SGCD: variants seen among roughly 807,000 people sequenced by gnomAD.
The protein encoded by SGCD is delta-sarcoglycan.
SGCD carries 18 observed loss-of-function variants against 36.6 expected under a neutral mutation model. The observed-to-expected ratio is 0.49, with a 90% CI of 0.34 to 0.73. The LOEUF is 0.73. Ranked by LOEUF, SGCD falls within the 30% of genes least tolerant of loss-of-function variation. The pLI is 0.01. For synonymous variants in SGCD, 133 were observed against 130.6 expected, an observed-to-expected ratio of 1.02 and a Z score of -0.12; for missense variants, 387 against 346.7, an observed-to-expected ratio of 1.12 and a Z score of -0.92.
Position 156,746,013 on chromosome 5 carries a change from G to T in SGCD, c.576-11568G>T, listed in dbSNP as rs796462429. ...AGTGAAGAAAGACACAAAACCACAA[G>T]TTTAAAGGGTAAAAAAAAAAAATTA... On this transcript the variant is annotated intron_variant, in intron 7 of 8. Transcript: ENST00000337851. Among the ~76,000 whole-genome samples the T allele has an allele frequency of 1.3e-5, 2 of 148,776 alleles. 1 individual carries two copies. Among genetic ancestry groups the T allele is most frequent in the South Asian group, 4.2e-4 (2 of 4,722 alleles).
At chr5:156,666,693 G>A (rs531566332) in intron 7 of SGCD, among the ~76,000 whole-genome samples, 90 of 149,038 alleles carry the variant, frequency 6.0e-4, no homozygotes, top group African/African-American at 2.1e-3. Context: ...ATCCTGCACC[G>A]CCCTTAATCC....
intron 3 of SGCD, among the ~76,000 whole-genome samples, chr5:156,194,050 G>T (rs1763960995): frequency 6.6e-6 from 1 of 152,284 alleles, no homozygotes; most frequent in East Asian, 1.9e-4. Context: ...AATAAACTCT[G>T]TCATTAGAAG....
At chr5:155,739,642 A>T in the SGCD span, among the ~76,000 whole-genome samples, 2 of 152,194 alleles carry the variant, frequency 1.3e-5, no homozygotes, top group Admixed American at 1.3e-4. Context: ...GTTTGAAAAA[A>T]GTGTAAATAT....
intron 1 of SGCD, among the ~76,000 whole-genome samples, chr5:156,095,311 AG>A (rs1761348751): frequency 1.3e-5 from 2 of 152,208 alleles, no homozygotes; most frequent in African/African-American, 4.8e-5. Context: ...GACATCTGTT[AG>A]TACCTCAGTC....
At chr5:155,928,315 A>G (rs1394416514) in intron 1 of SGCD, among the ~76,000 whole-genome samples, 6 of 152,244 alleles carry the variant, frequency 3.9e-5, no homozygotes, top group Non-Finnish European at 8.8e-5. Context: ...ATTATGTATC[A>G]ATCAAATGAA....
At chr5:156,608,463 A>G (rs1235561586) in intron 6 of SGCD, among the ~76,000 whole-genome samples, 3 of 152,218 alleles carry the variant, frequency 2.0e-5, no homozygotes, top group African/African-American at 7.2e-5. Context: ...TTTACTTCCA[A>G]CTATGTGGTC....
chr5:156,222,371 A>G (rs940594552), intron 3 of SGCD, among the ~76,000 whole-genome samples: 2 of 152,156 alleles, frequency 1.3e-5, no homozygotes, highest in Admixed American at 6.6e-5. Context: ...GATTCCATTT[A>G]TAGATTCTAC....
At chr5:156,131,024 C>A (rs1056212545) in intron 3 of SGCD, among the ~76,000 whole-genome samples, 2 of 152,172 alleles carry the variant, frequency 1.3e-5, no homozygotes, top group Non-Finnish European at 2.9e-5. Context: ...CCACCACGCC[C>A]GGCCAGCATT....
chr5:155,977,572 A>G (rs2127561365), intron 1 of SGCD, among the ~76,000 whole-genome samples: 1 of 152,320 alleles, frequency 6.6e-6, no homozygotes, highest in Non-Finnish European at 1.5e-5. Context: ...CAAGAAGAGG[A>G]CTAGACTATT....
intron 4 of SGCD, among the ~76,000 whole-genome samples, chr5:156,577,864 A>G (rs1032104384): frequency 6.6e-6 from 1 of 152,236 alleles, no homozygotes; most frequent in African/African-American, 2.4e-5. Flanking sequence ...ATCTGCAAAC[A>G]GGGACAAGTT....
the SGCD span, among the ~76,000 whole-genome samples, chr5:155,861,021 T>G: frequency 6.6e-6 from 1 of 152,204 alleles, no homozygotes; most frequent in Admixed American, 6.5e-5. Context: ...TTGGAAGGTA[T>G]TGAATAGCGT....
At chr5:156,518,011 T>G (rs1757253091) in intron 4 of SGCD, among the ~76,000 whole-genome samples, 2 of 152,182 alleles carry the variant, frequency 1.3e-5, no homozygotes, top group African/African-American at 4.8e-5. Flanking sequence ...TAAATGTAAA[T>G]GGGCTAATTG....
chr5:156,374,940 A>G (rs1770577830), intron 3 of SGCD, among the ~76,000 whole-genome samples: 1 of 151,840 alleles, frequency 6.6e-6, no homozygotes, highest in Non-Finnish European at 1.5e-5. Flanking sequence ...AAACACAAGC[A>G]AAATGAATAT....
chr5:156,734,701 T>TAC (rs1297515019), intron 7 of SGCD, among the ~76,000 whole-genome samples: 1 of 152,194 alleles, frequency 6.6e-6, no homozygotes, highest in African/African-American at 2.4e-5. Flanking sequence ...GTCTGTTTTT[T>TAC]ACCTCTATCA....
rs1030202936 is a variant in SGCD at position 156,368,918 on chromosome 5, T to G, written c.192+24241T>G. Among the ~76,000 whole-genome samples, 10 of 152,202 alleles carry G rather than the reference T, an allele frequency of 6.6e-5. 1 individual carries two copies. The highest frequency in any genetic ancestry group is 5.9e-4 in the Admixed American group (9 of 15,276). ...CAATGTAAAAATAATAGAAAAAAAG[T>G]GCACAATAAATGTAATGCACTTGAA... is the stretch of plus-strand genomic sequence containing the variant. On this transcript the variant is annotated intron_variant, in intron 3 of 8. Coordinates refer to ENST00000337851, the MANE Select transcript of SGCD (RefSeq NM_000337.6).
In SGCD at chr5:155,918,079, C is replaced by G. The variant is rs543229091; in HGVS notation, c.-282+47655C>G. 8.5e-5 allele frequency among the ~76,000 whole-genome samples: 13 copies of G among 152,202 alleles called. No homozygotes were observed. In the South Asian group the frequency reaches 2.5e-3, roughly 29 times the overall value. On this transcript the variant is annotated intron_variant, in intron 1 of 9. Coordinates refer to the SGCD transcript ENST00000517913. ...CTGGATGGCCAAATATGACAATGGC[C>G]CAATTTCTTATTTAGTTGATTCTTT...
chr5:156,006,111 C>T (rs904595318), intron 1 of SGCD, among the ~76,000 whole-genome samples: 5 of 152,064 alleles, frequency 3.3e-5, no homozygotes, highest in Non-Finnish European at 5.9e-5. Context: ...ACCTCTAGTA[C>T]GGAGTAAACA....
chr5:156,557,717 G>C (rs1759083447), intron 4 of SGCD, among the ~76,000 whole-genome samples: 3 of 152,070 alleles, frequency 2.0e-5, no homozygotes. Context: ...ACTTAAAACA[G>C]AGTAGCCCTG....
At chr5:155,959,181 C>T (rs180709546) in intron 1 of SGCD, among the ~76,000 whole-genome samples, 17 of 152,250 alleles carry the variant, frequency 1.1e-4, no homozygotes, top group South Asian at 2.1e-4. Flanking sequence ...CTTAGTTTAA[C>T]GTGACATAGC....
Sources: allele counts gnomAD v4.1 joint callset (sites outside exome capture counted in the v4.1 genomes callset), GRCh38; gene constraint gnomAD v4.1.1; transcripts MANE v1.5; gene names NCBI Gene and HGNC (gene_info 2026-07-23, HGNC 2026-07-21).